CDC73: variants seen among roughly 807,000 people sequenced by gnomAD.
CDC73 encodes the protein parafibromin.
Under a neutral mutation model 83.7 loss-of-function variants are expected in CDC73, and 21 were observed. That is an observed-to-expected ratio of 0.25 (90% CI 0.18 to 0.36). CDC73 has a LOEUF of 0.36. Ranked by LOEUF, CDC73 falls within the 10% of genes least tolerant of loss-of-function variation. CDC73 has a pLI of 1.00. For missense variants in CDC73, 342 were observed against 653.3 expected (o/e 0.52, Z 5.19); for synonymous variants, 224 against 212.9 (o/e 1.05, Z -0.45).
At chr1:193,234,142 T>C (rs1256548452) in intron 14 of CDC73, among the ~76,000 whole-genome samples, 2 of 138,814 alleles carry the variant, frequency 1.4e-5, no homozygotes, top group Non-Finnish European at 3.1e-5. Context: ...TCAAGACTGG[T>C]AGGATAATTC....
At chr1:193,199,890 C>A (rs1020827253) in intron 10 of CDC73, among the ~76,000 whole-genome samples, 1 of 151,702 alleles carries the variant, frequency 6.6e-6, no homozygotes, top group Middle Eastern at 3.2e-3. Flanking sequence ...ATTAATACAA[C>A]AGAAAAGTAG....
At chr1:193,188,806 C>T (rs974154945) in intron 10 of CDC73, among the ~76,000 whole-genome samples, 1 of 144,868 alleles carries the variant, frequency 6.9e-6, no homozygotes, top group Non-Finnish European at 1.6e-5. Context: ...TCCAGTGGGA[C>T]CCCCCCGCCC....
chr1:193,202,404 CTT>C (rs888499095), intron 10 of CDC73, among the ~76,000 whole-genome samples: 1 of 148,444 alleles, frequency 6.7e-6, no homozygotes, highest in Non-Finnish European at 1.5e-5. Flanking sequence ...TTATGACTCA[CTT>C]TTTTTTTTAC....
chr1:193,236,006 AT>A (rs1253775040), intron 14 of CDC73, among the ~76,000 whole-genome samples: 1 of 152,222 alleles, frequency 6.6e-6, no homozygotes, highest in Non-Finnish European at 1.5e-5. Context: ...TGTCCATTGA[AT>A]TATGTTTAAA....
chr1:193,152,291 T>C, intron 9 of CDC73, 89 bp from the exon 10 acceptor site: 1 of 809,680 alleles, frequency 1.2e-6, no homozygotes, highest in Admixed American at 1.9e-5. Context: ...AACCATCACA[T>C]TCAATGTAGA....
intron 10 of CDC73, among the ~76,000 whole-genome samples, chr1:193,163,970 GT>G (rs1676388604): frequency 6.6e-6 from 1 of 152,100 alleles, no homozygotes; most frequent in Non-Finnish European, 1.5e-5. Flanking sequence ...AGTAGATGGG[GT>G]TTCGCCATGT....
chr1:193,233,875 T>C (rs1677703194), intron 14 of CDC73, among the ~76,000 whole-genome samples: 1 of 152,096 alleles, frequency 6.6e-6, no homozygotes, highest in African/African-American at 2.4e-5. Context: ...CCTATAAATT[T>C]AGACACACAA....
chr1:193,223,609 G>C (rs564569972), intron 13 of CDC73, among the ~76,000 whole-genome samples: 1 of 152,236 alleles, frequency 6.6e-6, no homozygotes, highest in Admixed American at 6.5e-5. Context: ...CTGAGTCTCA[G>C]CTTTATAAGG....
chr1:193,180,297 A>C (rs1341922373), intron 10 of CDC73: 1 of 1,555,078 alleles, frequency 6.4e-7, no homozygotes, highest in African/African-American at 1.4e-5. Context: ...GTCTTTTCTA[A>C]TGTAGTTTAC....
chr1:193,246,348 C>T (rs748074719), intron 15 of CDC73, among the ~76,000 whole-genome samples: 1 of 151,988 alleles, frequency 6.6e-6, no homozygotes, highest in Non-Finnish European at 1.5e-5. Flanking sequence ...GTTTTCCCTG[C>T]ATCATTTATT....
At chr1:193,242,830 C>T (rs550585766) in intron 15 of CDC73, among the ~76,000 whole-genome samples, 6 of 152,156 alleles carry the variant, frequency 3.9e-5, no homozygotes, top group Non-Finnish European at 8.8e-5. Context: ...TGGCAGCATT[C>T]ATGAAGTTTG....
chr1:193,174,328 T>C (rs901565866), intron 10 of CDC73, among the ~76,000 whole-genome samples: 6 of 152,134 alleles, frequency 3.9e-5, no homozygotes, highest in Non-Finnish European at 8.8e-5. Flanking sequence ...CTTCTAGTTA[T>C]CTTGTTGTTC....
intron 7 of CDC73, among the ~76,000 whole-genome samples, chr1:193,147,048 A>G (rs1676013130): frequency 6.6e-6 from 1 of 151,788 alleles, no homozygotes; most frequent in Non-Finnish European, 1.5e-5. Flanking sequence ...GGTGGAGTGC[A>G]GTGGCGCTAT....
At chr1:193,129,515 T>TATTTATTC (rs1675653522) in intron 2 of CDC73, among the ~76,000 whole-genome samples, 1 of 151,676 alleles carries the variant, frequency 6.6e-6, no homozygotes, top group Non-Finnish European at 1.5e-5. Context: ...TTTATTTATT[T>TATTTATTC]ATTTATTTAG....
chr1:193,240,712 T>A (rs970439251), intron 15 of CDC73, among the ~76,000 whole-genome samples: 3 of 152,224 alleles, frequency 2.0e-5, no homozygotes, highest in East Asian at 3.8e-4. Context: ...GATTTTTTTT[T>A]AATTGTTGAG....
chr1:193,162,972 G>A (rs1241420740), intron 10 of CDC73, among the ~76,000 whole-genome samples: 2 of 152,034 alleles, frequency 1.3e-5, no homozygotes, highest in Non-Finnish European at 2.9e-5. Context: ...ATGGCTTTTA[G>A]AAAATAACAC....
chr1:193,239,208 C>T (rs1029946563), intron 15 of CDC73, among the ~76,000 whole-genome samples: 1 of 152,142 alleles, frequency 6.6e-6, no homozygotes, highest in Non-Finnish European at 1.5e-5. Context: ...CTTCCTTATT[C>T]CTCAAACTAT....
In CDC73 at chr1:193,253,159, T is replaced by A. The variant is rs888091632; in HGVS notation, c.*2447T>A. On this transcript the variant is annotated 3_prime_UTR_variant, in exon 17 of 17. Transcript: ENST00000367435. Reference sequence around the variant, plus strand: ...AAATATGTAGGTTTCAATCAGTTGCTCTCAACCCTGACTGCATTTTAGAAT... The same window carrying A: ...AAATATGTAGGTTTCAATCAGTTGCACTCAACCCTGACTGCATTTTAGAAT... 2 of 232,334 alleles carry A rather than the reference T, an allele frequency of 8.6e-6. No homozygotes were observed. The highest frequency in any genetic ancestry group is 1.2e-3 in the Middle Eastern group (1 of 804). The allele number at this position is 232,334 out of a possible 1,614,324, so 14.4% of individuals were successfully genotyped here.
At chr1:193,149,187 G>C (rs1198178910) in intron 8 of CDC73, among the ~76,000 whole-genome samples, 3 of 152,134 alleles carry the variant, frequency 2.0e-5, no homozygotes, top group Non-Finnish European at 4.4e-5. Context: ...CTTTCTTTGA[G>C]CTTATAGTCT....
Sources: gnomAD v4.1 joint callset for allele counts (sites outside exome capture counted in the v4.1 genomes callset) on GRCh38, gnomAD v4.1.1 for gene constraint, MANE v1.5 for transcripts, NCBI Gene and HGNC (gene_info 2026-07-23, HGNC 2026-07-21) for gene names.